Variants in UCK2 observed in about 807,000 individuals in gnomAD.
The protein encoded by UCK2 is uridine-cytidine kinase 2.
Under a neutral mutation model 30.8 loss-of-function variants are expected in UCK2, and 6 were observed. The ratio of observed to expected loss-of-function variants is 0.19; its 90% CI spans 0.11 to 0.38. UCK2 has a LOEUF of 0.38. UCK2 is among the 10% of genes least tolerant of loss of function. The pLI is 1.00. For missense variants in UCK2, 210 were observed against 339.8 expected, an observed-to-expected ratio of 0.62 and a Z score of 3.00; for synonymous variants, 125 against 133.6, an observed-to-expected ratio of 0.94 and a Z score of 0.45.
intron 4 of UCK2, among the ~76,000 whole-genome samples, chr1:165,901,431 G>T (rs1663837): frequency 0.99 from 151,154 of 152,312 alleles, 75,011 homozygotes; most frequent in East Asian, 1. Context: ...CCGTTCCCTG[G>T]CCTCTCTGTG....
chr1:165,850,413 A>C (rs1444534634), intron 1 of UCK2, among the ~76,000 whole-genome samples: 1 of 151,344 alleles, frequency 6.6e-6, no homozygotes, highest in East Asian at 2.0e-4. Flanking sequence ...TTTAGGCATG[A>C]GCCACCGTGC....
At chr1:165,842,997 C>T (rs1654368159) in intron 1 of UCK2, among the ~76,000 whole-genome samples, 1 of 152,188 alleles carries the variant, frequency 6.6e-6, no homozygotes, top group Non-Finnish European at 1.5e-5. Flanking sequence ...GTCACTTTTA[C>T]TCATCCTTCA....
At chr1:165,848,223 GTTTAT>G (rs1392009847) in intron 1 of UCK2, among the ~76,000 whole-genome samples, 2 of 152,186 alleles carry the variant, frequency 1.3e-5, no homozygotes, top group Non-Finnish European at 2.9e-5. Context: ...GTTTATTTAG[GTTTAT>G]TTTATGACTT....
intron 1 of UCK2, among the ~76,000 whole-genome samples, chr1:165,842,418 C>T (rs1484407538): frequency 6.6e-6 from 1 of 152,202 alleles, no homozygotes; most frequent in Non-Finnish European, 1.5e-5. Flanking sequence ...AGACCCCTAA[C>T]AATACCTGCC....
intron 1 of UCK2, among the ~76,000 whole-genome samples, chr1:165,837,158 A>AG (rs1283513413): frequency 3.9e-5 from 6 of 152,208 alleles, no homozygotes; most frequent in African/African-American, 1.4e-4. Flanking sequence ...CACATTGGGC[A>AG]TCAAGTTTTC....
At chr1:165,840,294 G>T (rs1397024241) in intron 1 of UCK2, among the ~76,000 whole-genome samples, 1 of 152,220 alleles carries the variant, frequency 6.6e-6, no homozygotes, top group Non-Finnish European at 1.5e-5. Flanking sequence ...TTTATGGTGT[G>T]CCCATTAATG....
chr1:165,886,471 T>G (rs1044739210), intron 1 of UCK2, among the ~76,000 whole-genome samples: 5 of 152,026 alleles, frequency 3.3e-5, no homozygotes, highest in African/African-American at 1.2e-4. Context: ...AATTTCTGAA[T>G]TTGTGTAGAG....
intron 1 of UCK2, among the ~76,000 whole-genome samples, chr1:165,887,726 G>A (rs1655653826): frequency 6.6e-6 from 1 of 151,972 alleles, no homozygotes; most frequent in African/African-American, 2.4e-5. Context: ...AGGGCCTACA[G>A]GTGTTTAAAA....
Position 165,896,135 on chromosome 1 carries a change from T to G in UCK2, c.357-55T>G, listed in dbSNP as rs1647244382. 7 of 1,608,114 alleles carry G rather than the reference T, an allele frequency of 4.4e-6. No individual in the cohort carries two copies. In the Admixed American group the frequency reaches 1.2e-4, roughly 27 times the overall value. ...GCCAGATGTTCTGGCCCTTGTTCTC[T>G]GTCCCTTGCTAGCCCCTGCCTGGCT... On this transcript the variant is annotated intron_variant, in intron 3 of 6. Transcript: ENST00000367879.
At chr1:165,829,415 T>G (rs1653986308) in intron 1 of UCK2, among the ~76,000 whole-genome samples, 1 of 152,210 alleles carries the variant, frequency 6.6e-6, no homozygotes, top group Non-Finnish European at 1.5e-5. Flanking sequence ...GGGAGCATTT[T>G]TTGTTGTTGT....
chr1:165,903,040 T>G (rs575562526), intron 4 of UCK2, 142 bp from the exon 5 acceptor site: 1 of 628,474 alleles, frequency 1.6e-6, no homozygotes, highest in East Asian at 2.7e-5. Flanking sequence ...TGATCTGCTC[T>G]TGGTCAAGCC....
At chr1:165,891,444 C>T (rs919934997) in intron 3 of UCK2, 122 bp downstream of exon 3, 8 of 837,038 alleles carry the variant, frequency 9.6e-6, no homozygotes, top group East Asian at 5.3e-5. Flanking sequence ...CTGCCTAATG[C>T]CATTCCAGCT....
intron 4 of UCK2, among the ~76,000 whole-genome samples, chr1:165,896,980 A>G (rs1553200747): frequency 6.6e-6 from 1 of 152,186 alleles, no homozygotes; most frequent in Non-Finnish European, 1.5e-5. Flanking sequence ...TTCAGCAGAG[A>G]GTTCGCTTCC....
intron 1 of UCK2, among the ~76,000 whole-genome samples, chr1:165,859,861 TG>T (rs886325345): frequency 6.6e-6 from 1 of 152,150 alleles, no homozygotes; most frequent in Admixed American, 6.5e-5. Context: ...AACTCAACTC[TG>T]GGGAAGAAGC....
chr1:165,903,183 A>G lies in UCK2; in HGVS notation c.501A>G (p.Val167=). 3 of 1,612,896 alleles carry G rather than the reference A, an allele frequency of 1.9e-6. No individual in the cohort carries two copies. The highest frequency in any genetic ancestry group is 1.1e-5 in the South Asian group (1 of 91,048). The change falls in exon 5 of 7, where the codon GTA becomes GTG. Residue 167 remains valine (V), a splice_region_variant and synonymous_variant. Coordinates refer to ENST00000367879, the MANE Select transcript of UCK2 (RefSeq NM_012474.5). ...TDADTRLSRR[V]LRDISERGRD... ...TTCTTGTTTTCCCTTCTCTTACAGT[A>G]TTAAGGGACATCAGCGAGAGAGGCA...
In UCK2 at chr1:165,860,810, A is replaced by G. The variant is rs367890893; in HGVS notation, c.100-29394A>G. Among the ~76,000 whole-genome samples, 17 of 152,188 alleles carry G rather than the reference A, an allele frequency of 1.1e-4. No individual in the cohort carries two copies. In the East Asian group the frequency reaches 1.4e-3, roughly 12 times the overall value. ...CGCTATTCTTGACTCCCTTGTTTCT[A>G]TTATAATCCTTAGAGCCGTGGTGGT... On this transcript the variant is annotated intron_variant, in intron 1 of 6. Transcript: ENST00000367879.
chr1:165,852,941 T>C (rs1654634761), intron 1 of UCK2, among the ~76,000 whole-genome samples: 1 of 152,202 alleles, frequency 6.6e-6, no homozygotes, highest in African/African-American at 2.4e-5. Flanking sequence ...GATCTTCCCT[T>C]AAAGGTTATT....
At chr1:165,862,791 C>A (rs150902368) in intron 1 of UCK2, among the ~76,000 whole-genome samples, 68 of 152,208 alleles carry the variant, frequency 4.5e-4, no homozygotes, top group African/African-American at 1.6e-3. Flanking sequence ...TAAAAAGTTC[C>A]CGACACAGAG....
intron 1 of UCK2, among the ~76,000 whole-genome samples, chr1:165,859,513 T>C (rs768670965): frequency 2.6e-5 from 4 of 152,080 alleles, no homozygotes; most frequent in Non-Finnish European, 5.9e-5. Context: ...CAGACCTAAA[T>C]AGCACCCTGT....
Sources: gnomAD v4.1 joint callset for allele counts (sites outside exome capture counted in the v4.1 genomes callset) on GRCh38, gnomAD v4.1.1 for gene constraint, MANE v1.5 for transcripts, NCBI Gene and HGNC (gene_info 2026-07-23, HGNC 2026-07-21) for gene names.